Variants in CDC25B observed in about 807,000 individuals in gnomAD.
CDC25B encodes the protein M-phase inducer phosphatase 2.
A neutral mutation model predicts 69.8 loss-of-function variants in CDC25B; 33 were observed. The ratio of observed to expected loss-of-function variants is 0.47; its 90% CI spans 0.36 to 0.63. CDC25B has a LOEUF of 0.63. CDC25B is among the 30% of genes least tolerant of loss of function. The pLI is 0.00. For synonymous variants in CDC25B, 341 were observed against 314.6 expected (o/e 1.08, Z -0.89); for missense variants, 727 against 809.1 (o/e 0.90, Z 1.23).
Position 3,796,650 on chromosome 20 carries a change from T to C in CDC25B, c.119T>C (p.Leu40Pro). ...CTCCTGCTGGGATCTCATGGCCTCC[T>C]GGGGTCCCCGGTGCGGGCGGCCGCT... The part of the protein sequence containing the change: ...PGLLLGSHGL[L>P]GSPVRAAASS... The change falls in exon 1 of 16, where the codon CTG becomes CCG. Residue 40 changes from leucine to proline, a missense_variant. Coordinates refer to ENST00000245960, the MANE Select transcript of CDC25B (RefSeq NM_021873.4). 6.7e-7 allele frequency: 1 copy of C among 1,493,142 alleles called. No homozygotes were observed. The allele number at this position is 1,493,142 out of a possible 1,614,324, so 92.5% of individuals were successfully genotyped here.
intron 5 of CDC25B, 93 bp from the exon 6 acceptor site, chr20:3,800,650 A>G: frequency 1.3e-6 from 2 of 1,592,752 alleles, no homozygotes; most frequent in Non-Finnish European, 1.7e-6. Context: ...AAGTGGGAGG[A>G]GCTGGAGGAG....
intron 1 of CDC25B, chr20:3,787,217 A>C (rs1181848905): frequency 3.2e-6 from 2 of 634,914 alleles, no homozygotes; most frequent in Non-Finnish European, 5.5e-6. Context: ...ATTATATAAA[A>C]CTGGCATCAG....
rs538158719 is a variant in CDC25B at position 3,800,774 on chromosome 20, G to A, written c.491G>A (p.Arg164Gln). 2.2e-5 allele frequency: 35 copies of A among 1,611,424 alleles called. No individual in the cohort carries two copies. The highest frequency in any genetic ancestry group is 2.5e-5 in the Non-Finnish European group (30 of 1,180,018). Residue 164 changes from arginine to glutamine, a missense_variant, in exon 6 of 16, where the codon CGG becomes CAG. Arg to Gln is a conservative substitution (Grantham distance 43, BLOSUM62 1). Transcript: ENST00000245960. ...CTGCTGGGCCACAGCCCCGTGCTTC[G>A]GAACATCACCAACTCCCAGGCGCCC... ...VRLLGHSPVLRNITNSQAPDG... is the reference protein window; with the variant it reads ...VRLLGHSPVLQNITNSQAPDG...
Position 3,804,809 on chromosome 20 carries a change from G to T in CDC25B, c.1603-12G>T. ...CCATTCCACTGCATTGACCCCTCCT[G>T]TCCTGCCCTAGAACTTCTGTGAACC... On this transcript the variant is annotated splice_polypyrimidine_tract_variant and intron_variant, in intron 15 of 15. Coordinates refer to ENST00000245960, the MANE Select transcript of CDC25B (RefSeq NM_021873.4). The T allele has an allele frequency of 6.2e-7, 1 of 1,614,066 alleles. No homozygotes were observed. Among genetic ancestry groups the T allele is most frequent in the African/African-American group, 1.3e-5 (1 of 75,048 alleles).
intron 1 of CDC25B, among the ~76,000 whole-genome samples, chr20:3,789,254 A>T (rs1199043959): frequency 6.6e-6 from 1 of 152,170 alleles, no homozygotes; most frequent in Non-Finnish European, 1.5e-5. Flanking sequence ...TGTTTATTTG[A>T]GACAGGGTCT....
In CDC25B at chr20:3,802,987, G is replaced by A. The variant is rs752903518; in HGVS notation, c.1257+15G>A. 2.8e-5 allele frequency: 45 copies of A among 1,612,434 alleles called. No homozygotes were observed. Among genetic ancestry groups the A allele is most frequent in the Middle Eastern group, 1.6e-4 (1 of 6,078 alleles). ...CACCAGAAACGGTAAACAGCGTTGCGTCATTTTCTAGGCAGATTTGGGACT... is the reference window on the plus strand; with the variant it reads ...CACCAGAAACGGTAAACAGCGTTGCATCATTTTCTAGGCAGATTTGGGACT... On this transcript the variant is annotated intron_variant, in intron 12 of 15. Transcript: ENST00000245960.
chr20:3,798,010 C>T (rs1269697611), intron 2 of CDC25B, among the ~76,000 whole-genome samples: 1 of 152,238 alleles, frequency 6.6e-6, no homozygotes, highest in African/African-American at 2.4e-5. Context: ...TAAAACCACG[C>T]TCCAGAGTTC....
chr20:3,795,379 AAAAG>A (rs200953476), upstream of CDC25B, among the ~76,000 whole-genome samples: 1,906 of 130,914 alleles, frequency 0.015, 35 homozygotes, highest in African/African-American at 0.044. Context: ...AAACAAAACA[AAAAG>A]AAAGATAATT....
At chr20:3,793,286 T>A (rs915446301), upstream of CDC25B, among the ~76,000 whole-genome samples, 1 of 152,108 alleles carries the variant, frequency 6.6e-6, no homozygotes, top group Non-Finnish European at 1.5e-5. Flanking sequence ...GGCAAAACCC[T>A]GTCTCTACTG....
At chr20:3,800,702 A>AGCAT (rs1568507752) in intron 5 of CDC25B, 41 bp from the exon 6 acceptor site, 4 of 1,602,808 alleles carry the variant, frequency 2.5e-6, no homozygotes, top group Non-Finnish European at 3.4e-6. Flanking sequence ...GGAGGAATGC[A>AGCAT]GCCTTCATTC....
rs753080001 is a variant in CDC25B at position 3,804,903 on chromosome 20, G to C, written c.1685G>C (p.Arg562Pro). 6.2e-7 allele frequency: 1 copy of C among 1,614,038 alleles called. No homozygotes were observed. The highest frequency in any genetic ancestry group is 1.1e-5 in the South Asian group (1 of 91,086). ...DELKTFRLKT[R>P]SWAGERSRRE... is the part of the protein sequence containing the mutation. ...CTAAAGACCTTCCGCCTCAAGACTC[G>C]CAGCTGGGCTGGGGAGCGGAGCCGG... The change falls in exon 16 of 16, where the codon CGC (arginine) becomes CCC (proline). Residue 562 changes from arginine (R) to proline (P), a missense_variant. Transcript: ENST00000245960.
chr20:3,797,805 C>T, intron 2 of CDC25B, 56 bp downstream of exon 2: 1 of 1,596,156 alleles, frequency 6.3e-7, no homozygotes. Context: ...TTTGTGGGGG[C>T]TGCCTGGGCC....
intron 8 of CDC25B, 87 bp downstream of exon 8, chr20:3,801,475 C>T: frequency 7.0e-7 from 1 of 1,430,148 alleles, no homozygotes; most frequent in Non-Finnish European, 9.5e-7. Flanking sequence ...GTGGCAGGAC[C>T]ATGATGTCAT....
At chr20:3,798,315 G>GT (rs58192077) in intron 2 of CDC25B, 97 bp from the exon 3 acceptor site, 7,223 of 371,224 alleles carry the variant, frequency 0.019, 20 homozygotes, top group African/African-American at 0.025. Context: ...ACTAGAAACT[G>GT]TTTTTTTTTT....
At chr20:3,804,327 T>C (rs1426754484) in intron 14 of CDC25B, among the ~76,000 whole-genome samples, 1 of 152,188 alleles carries the variant, frequency 6.6e-6, no homozygotes, top group Non-Finnish European at 1.5e-5. Context: ...CTAACAAAGA[T>C]TGTGCAACTG....
rs1244659958 is a variant in CDC25B at position 3,796,762 on chromosome 20, G to A, written c.200+31G>A. 3.9e-6 allele frequency: 6 copies of A among 1,539,154 alleles called. No homozygotes were observed. The Admixed American group carries it at 5.8e-5, about 15-fold the overall frequency. ...ACACCCCAAGGAGGCTGCATATGGG[G>A]GTGAGAGGCTAGGTCTGGAGTCCTG... On this transcript the variant is annotated intron_variant, in intron 1 of 15. Coordinates refer to ENST00000245960, the MANE Select transcript of CDC25B (RefSeq NM_021873.4).
chr20:3,804,708 T>C lies in CDC25B; in HGVS notation c.1602+28T>C, dbSNP rs111606535. 4.7e-4 allele frequency: 746 copies of C among 1,599,512 alleles called. 2 individuals carry two copies. In the African/African-American group the frequency reaches 8.6e-3, roughly 18 times the overall value. On this transcript the variant is annotated intron_variant, in intron 15 of 15. Transcript: ENST00000245960. ...AGCGTGGGTGGGGAAGGCCACAGTCTCTGTGTGAGGGTTGGCTTGGCCAGG... is the reference window on the plus strand; with the variant it reads ...AGCGTGGGTGGGGAAGGCCACAGTCCCTGTGTGAGGGTTGGCTTGGCCAGG...
chr20:3,802,208 G>T (rs2089309296), intron 10 of CDC25B, 73 bp from the exon 11 acceptor site: 6 of 1,558,050 alleles, frequency 3.9e-6, no homozygotes, highest in Non-Finnish European at 5.3e-6. Flanking sequence ...GCAGAGAAAG[G>T]GGGTACCAGC....
chr20:3,800,933 T>G lies in CDC25B; in HGVS notation c.583-38T>G, dbSNP rs554011160. ...GAGGGGGCATGCTGGGGTGGTTCCCTGGCATGTGAGGACCCTCCTCTCCCA... is the reference window on the plus strand; with the variant it reads ...GAGGGGGCATGCTGGGGTGGTTCCCGGGCATGTGAGGACCCTCCTCTCCCA... On this transcript the variant is annotated intron_variant, in intron 6 of 15. Transcript: ENST00000245960. 3.7e-6 allele frequency: 6 copies of G among 1,612,566 alleles called. No homozygotes were observed. In the African/African-American group the frequency reaches 6.7e-5, roughly 18 times the overall value.
Sources: gnomAD v4.1 joint callset for allele counts (sites outside exome capture counted in the v4.1 genomes callset) on GRCh38, gnomAD v4.1.1 for gene constraint, MANE v1.5 for transcripts, NCBI Gene and HGNC (gene_info 2026-07-23, HGNC 2026-07-21) for gene names.